The following RPIA variants were observed in gnomAD, a reference collection of about 807,000 sequenced individuals.
The protein encoded by RPIA is ribose-5-phosphate isomerase.
Under a neutral mutation model 37.8 loss-of-function variants are expected in RPIA, and 29 were observed. The ratio of observed to expected loss-of-function variants is 0.77; its 90% CI spans 0.57 to 1.05. The LOEUF (loss-of-function observed/expected upper bound fraction) is 1.05, where lower values mean the gene tolerates loss of function less well. RPIA is among the 50% of genes least tolerant of loss of function. The pLI, the probability that RPIA is intolerant of heterozygous loss-of-function variation, is 0.00. For synonymous variants in RPIA, 167 were observed against 157.0 expected (o/e 1.06, Z -0.48); for missense variants, 385 against 413.6 (o/e 0.93, Z 0.60).
At chr2:88,736,873 C>T (rs1254912390) in intron 7 of RPIA, among the ~76,000 whole-genome samples, 197 bp downstream of exon 7, 1 of 152,202 alleles carries the variant, frequency 6.6e-6, no homozygotes, top group African/African-American at 2.4e-5. Flanking sequence ...GACAAGACCA[C>T]ACTTAATACA....
intron 3 of RPIA, among the ~76,000 whole-genome samples, chr2:88,724,351 G>A (rs1673171093): frequency 6.6e-6 from 1 of 152,054 alleles, no homozygotes; most frequent in African/African-American, 2.4e-5. Flanking sequence ...CTGTCACCCA[G>A]GCTGGAGTGC....
Position 88,691,676 on chromosome 2 carries a change from G to T in RPIA, c.-23G>T, listed in dbSNP as rs1233019674. 6.4e-7 allele frequency: 1 copy of T among 1,569,128 alleles called. No homozygotes were observed. Among genetic ancestry groups the T allele is most frequent in the East Asian group, 2.3e-5 (1 of 44,332 alleles). ...GGGGAGCCGGGGGCGGGACTTCAGC[G>T]GAGGCCGGAGCGAGGCGTCGGGATG... On this transcript the variant is annotated 5_prime_UTR_variant, in exon 1 of 9. Transcript: ENST00000283646.
rs1673307040 is a variant in RPIA, at chr2:88,735,723, G to T, written c.582G>T (p.Val194=). Residue 194 remains valine, a synonymous_variant, in exon 6 of 9, where the codon GTG becomes GTT. Coordinates refer to ENST00000283646, the MANE Select transcript of RPIA (RefSeq NM_144563.3). Reference sequence around the variant, plus strand: ...CTGGCTATGCTAGTCGCTTCATCGTGATCGCTGATTTCAGGTACAGTTTCT... The same window carrying T: ...CTGGCTATGCTAGTCGCTTCATCGTTATCGCTGATTTCAGGTACAGTTTCT... ...IVAGYASRFI[V]IADFRKDSKN... 2 of 1,613,892 alleles carry T rather than the reference G, an allele frequency of 1.2e-6. No homozygotes were observed. The highest frequency in any genetic ancestry group is 2.2e-5 in the South Asian group (2 of 91,058).
chr2:88,729,638 G>A (rs1673241765), intron 4 of RPIA, among the ~76,000 whole-genome samples: 1 of 152,236 alleles, frequency 6.6e-6, no homozygotes, highest in Non-Finnish European at 1.5e-5. Context: ...AGAGGTATAA[G>A]AGTGAGCCAG....
chr2:88,743,954 G>A (rs1673411644), intron 8 of RPIA, among the ~76,000 whole-genome samples: 2 of 152,028 alleles, frequency 1.3e-5, no homozygotes, highest in African/African-American at 4.8e-5. Flanking sequence ...TCTTTTCAAA[G>A]AACCAGGTTT....
intron 3 of RPIA, among the ~76,000 whole-genome samples, chr2:88,714,275 A>T (rs998531304): frequency 1.3e-5 from 2 of 151,708 alleles, no homozygotes; most frequent in African/African-American, 4.9e-5. Flanking sequence ...GGTTCAAGTG[A>T]TTCTCTTGTC....
chr2:88,707,895 T>C (rs527623742), intron 3 of RPIA, among the ~76,000 whole-genome samples: 2 of 152,360 alleles, frequency 1.3e-5, no homozygotes, highest in East Asian at 3.9e-4. Flanking sequence ...TGGGGGCCTC[T>C]TGATAGTTTA....
intron 8 of RPIA, among the ~76,000 whole-genome samples, chr2:88,748,953 G>A (rs942720538): frequency 2.0e-5 from 3 of 152,032 alleles, no homozygotes; most frequent in African/African-American, 7.2e-5. Flanking sequence ...GGCTCCATCA[G>A]CTCCATCTGG....
Position 88,750,047 on chromosome 2 carries a change from C to T in RPIA, c.905C>T (p.Ser302Leu), listed in dbSNP as rs201414020. 3.1e-6 allele frequency: 5 copies of T among 1,612,982 alleles called. No homozygotes were observed. Among genetic ancestry groups the T allele is most frequent in the Non-Finnish European group, 3.4e-6 (4 of 1,179,370 alleles). The change falls in exon 9 of 9, where the codon TCA (serine) becomes TTA (leucine). Residue 302 changes from serine (S) to leucine (L), a missense_variant. This residue lies in a region of RPIA where 153 missense variants were observed against 210.6 expected (regional missense o/e 0.73). Coordinates refer to ENST00000283646, the MANE Select transcript of RPIA (RefSeq NM_144563.3). ...ERVYFGMQDGSVNMREKPFC is the reference protein window; with the variant it reads ...ERVYFGMQDGLVNMREKPFC Reference sequence around the variant, plus strand: ...GTCTACTTTGGGATGCAGGATGGCTCAGTGAACATGAGGGAGAAGCCTTTC... The same window carrying T: ...GTCTACTTTGGGATGCAGGATGGCTTAGTGAACATGAGGGAGAAGCCTTTC...
At chr2:88,743,009 C>G (rs570262295) in intron 8 of RPIA, among the ~76,000 whole-genome samples, 2 of 152,190 alleles carry the variant, frequency 1.3e-5, no homozygotes, top group African/African-American at 4.8e-5. Flanking sequence ...GTTTGACTTC[C>G]TCTTTACTGA....
chr2:88,716,008 C>T (rs1422404972), intron 3 of RPIA, among the ~76,000 whole-genome samples: 1 of 152,076 alleles, frequency 6.6e-6, no homozygotes, highest in Non-Finnish European at 1.5e-5. Context: ...AAGCTACATA[C>T]CTCCCTCAAA....
chr2:88,713,753 C>G (rs1672997118), intron 3 of RPIA, among the ~76,000 whole-genome samples: 1 of 152,100 alleles, frequency 6.6e-6, no homozygotes, highest in Non-Finnish European at 1.5e-5. Flanking sequence ...TGCTTGTGGA[C>G]AGTCTTATTT....
intron 8 of RPIA, among the ~76,000 whole-genome samples, chr2:88,738,633 C>G (rs1377605191): frequency 6.6e-6 from 1 of 152,134 alleles, no homozygotes; most frequent in Admixed American, 6.5e-5. Context: ...AGAATGTGCT[C>G]AATTCTACTA....
chr2:88,728,303 A>G (rs1484922147), intron 3 of RPIA, among the ~76,000 whole-genome samples: 2 of 152,166 alleles, frequency 1.3e-5, no homozygotes, highest in African/African-American at 4.8e-5. Context: ...TTAGCCTTAG[A>G]GTCTTACGAT....
chr2:88,699,895 G>C (rs2104074620), intron 2 of RPIA, 114 bp from the exon 3 acceptor site: 1 of 1,076,508 alleles, frequency 9.3e-7, no homozygotes, highest in Non-Finnish European at 1.4e-6. Context: ...ATGAAAGGCA[G>C]CTGTCTTTGG....
intron 8 of RPIA, among the ~76,000 whole-genome samples, chr2:88,746,419 G>C (rs371095840): frequency 2.0e-5 from 3 of 152,190 alleles, no homozygotes; most frequent in East Asian, 3.8e-4. Flanking sequence ...GGAACCCAAG[G>C]GCTGCTGTTC....
At position 88,736,526 on chromosome 2, in the gene RPIA, T is replaced by C; in HGVS notation, c.597-9T>C. 1.2e-6 allele frequency: 2 copies of C among 1,614,154 alleles called. No individual in the cohort carries two copies. The highest frequency in any genetic ancestry group is 1.3e-5 in the African/African-American group (1 of 75,054). ...ACTTTTATTGTACTTTCTGACTCCTTCTTTCCAGGAAAGATTCGAAGAATC... is the reference window on the plus strand; with the variant it reads ...ACTTTTATTGTACTTTCTGACTCCTCCTTTCCAGGAAAGATTCGAAGAATC... On this transcript the variant is annotated splice_polypyrimidine_tract_variant and intron_variant, in intron 6 of 8. Coordinates refer to ENST00000283646, the MANE Select transcript of RPIA (RefSeq NM_144563.3).
chr2:88,707,844 G>T (rs1011006031), intron 3 of RPIA, among the ~76,000 whole-genome samples: 7 of 152,186 alleles, frequency 4.6e-5, no homozygotes, highest in African/African-American at 1.4e-4. Context: ...GCCAGACCAG[G>T]CATGGAATTG....
At position 88,692,117 on chromosome 2, in the gene RPIA, C is replaced by T. The variant is rs1397512763; in HGVS notation, c.285+134C>T. On this transcript the variant is annotated intron_variant, in intron 1 of 8. Transcript: ENST00000283646. ...GCTGAGTGAGAGGGTAGAGGGTGTG[C>T]ACTTTACCCGAGTTTAGACCCCTCT... The T allele has an allele frequency of 5.2e-5, 60 of 1,152,752 alleles. No homozygotes were observed. In the Admixed American group the frequency reaches 1.4e-3, roughly 27 times the overall value. The allele number at this position is 1,152,752 out of a possible 1,614,324, so 71.4% of individuals were successfully genotyped here.
Sources: allele counts gnomAD v4.1 joint callset (sites outside exome capture counted in the v4.1 genomes callset), GRCh38; gene constraint gnomAD v4.1.1; regional missense constraint gnomAD v4.1.1; transcripts MANE v1.5; gene names NCBI Gene and HGNC (gene_info 2026-07-23, HGNC 2026-07-21).